The following PPP2R5A variants were observed in gnomAD, a reference collection of about 807,000 sequenced individuals.
PPP2R5A encodes protein phosphatase 2 regulatory subunit B'alpha, also known as serine/threonine-protein phosphatase 2A 56 kDa regulatory subunit alpha isoform.
A neutral mutation model predicts 64.2 loss-of-function variants in PPP2R5A; 25 were observed. The observed-to-expected ratio is 0.39, with a 90% CI of 0.28 to 0.54. The LOEUF (loss-of-function observed/expected upper bound fraction) is 0.54, where lower values mean the gene tolerates loss of function less well. PPP2R5A is among the 20% of genes least tolerant of loss of function. The pLI is 0.67. For synonymous variants in PPP2R5A, 198 were observed against 201.2 expected, an observed-to-expected ratio of 0.98 and a Z score of 0.13; for missense variants, 425 against 576.3, an observed-to-expected ratio of 0.74 and a Z score of 2.69.
In PPP2R5A at chr1:212,345,827, G is replaced by A; in HGVS notation, c.598G>A (p.Asp200Asn). 1 of 1,605,576 alleles carries A rather than the reference G, an allele frequency of 6.2e-7. No individual in the cohort carries two copies. The highest frequency in any genetic ancestry group is 8.5e-7 in the Non-Finnish European group (1 of 1,177,950). Residue 200 changes from aspartate to asparagine, a missense_variant, in exon 5 of 13, where the codon GAT (aspartate) becomes AAT (asparagine). Physicochemically the swap from Asp to Asn is conservative, Grantham distance 23. Transcript: ENST00000261461. ...GCTCCTGGAGCTTTTTGATAGTGAAGATCCCAGAGAACGTGACTTCCTGAA... is the reference window on the plus strand; with the variant it reads ...GCTCCTGGAGCTTTTTGATAGTGAAAATCCCAGAGAACGTGACTTCCTGAA... ...QQLLELFDSE[D>N]PRERDFLKTV...
Position 212,354,725 on chromosome 1 carries a change from TGAGAGAGAGAGAGA to T in PPP2R5A, c.928-1892_928-1879del, listed in dbSNP as rs67572683. ...CCTCATCAAAAAGAGAGAGAAATGT[TGAGAGAGAGAGAGA>T]GAGAGAGAAATGTGATTCCAAGAGA... On this transcript the variant is annotated intron_variant, in intron 8 of 12. Coordinates refer to ENST00000261461, the MANE Select transcript of PPP2R5A (RefSeq NM_006243.4). Among the ~76,000 whole-genome samples, 5 of 147,108 alleles carry T rather than the reference TGAGAGAGAGAGAGA, an allele frequency of 3.4e-5. 1 individual carries two copies. The South Asian group carries it at 6.6e-4, about 19-fold the overall frequency.
chr1:212,304,154 T>C (rs1558140870), intron 1 of PPP2R5A, among the ~76,000 whole-genome samples: 1 of 152,236 alleles, frequency 6.6e-6, no homozygotes, highest in Non-Finnish European at 1.5e-5. Context: ...CAACGTATTT[T>C]TTATTTTCTT....
chr1:212,321,994 C>A (rs1037130736), intron 1 of PPP2R5A, among the ~76,000 whole-genome samples: 2 of 151,840 alleles, frequency 1.3e-5, no homozygotes, highest in African/African-American at 4.8e-5. Context: ...GAGACCAGCC[C>A]GGCCAACACA....
chr1:212,298,847 C>A (rs1658743354), intron 1 of PPP2R5A, among the ~76,000 whole-genome samples: 2 of 41,060 alleles, frequency 4.9e-5, no homozygotes, highest in African/African-American at 4.9e-4. Flanking sequence ...CGCCCCTCAC[C>A]TCCCGGACGG....
intron 1 of PPP2R5A, among the ~76,000 whole-genome samples, chr1:212,295,085 C>T (rs957996295): frequency 1.3e-5 from 2 of 152,050 alleles, no homozygotes; most frequent in African/African-American, 2.4e-5. Flanking sequence ...GGGTCTAGTG[C>T]GTAATCTTGT....
intron 1 of PPP2R5A, among the ~76,000 whole-genome samples, chr1:212,314,079 C>T (rs997047922): frequency 5.3e-5 from 8 of 152,104 alleles, no homozygotes; most frequent in Non-Finnish European, 8.8e-5. Flanking sequence ...AAGAGCTTTG[C>T]TTGTTTTTCG....
At chr1:212,319,969 ATTG>A (rs1659237855) in intron 1 of PPP2R5A, among the ~76,000 whole-genome samples, 6 of 29,534 alleles carry the variant, frequency 2.0e-4, no homozygotes, top group African/African-American at 6.2e-4. Flanking sequence ...TTTTTTTTTT[ATTG>A]ATCATTCTTG....
intron 8 of PPP2R5A, 120 bp from the exon 9 acceptor site, chr1:212,356,502 CACAT>C: frequency 1.2e-6 from 1 of 849,896 alleles, no homozygotes; most frequent in Non-Finnish European, 1.8e-6. Context: ...TCTATTTATA[CACAT>C]ATATTAAGCA....
intron 1 of PPP2R5A, among the ~76,000 whole-genome samples, chr1:212,290,607 T>C (rs912035335): frequency 3.9e-4 from 60 of 152,356 alleles, no homozygotes; most frequent in African/African-American, 1.3e-3. Context: ...GAAAAACTTT[T>C]CTATTTAAAC....
At chr1:212,316,398 T>C (rs1659153606) in intron 1 of PPP2R5A, among the ~76,000 whole-genome samples, 2 of 152,164 alleles carry the variant, frequency 1.3e-5, no homozygotes, top group South Asian at 4.1e-4. Flanking sequence ...AGCCATAACA[T>C]TTCCTTAAGC....
intron 2 of PPP2R5A, among the ~76,000 whole-genome samples, chr1:212,332,618 C>A (rs534323789): frequency 6.4e-4 from 97 of 152,058 alleles, no homozygotes; most frequent in Admixed American, 1.2e-3. Flanking sequence ...TAAATTAAAT[C>A]ATCAAAAGGT....
intron 4 of PPP2R5A, among the ~76,000 whole-genome samples, chr1:212,343,688 T>C (rs959058182): frequency 6.6e-6 from 1 of 152,216 alleles, no homozygotes; most frequent in Non-Finnish European, 1.5e-5. Context: ...AATGGAGTTA[T>C]GTTATTTTGG....
At chr1:212,359,783 G>T (rs1660048135) in intron 12 of PPP2R5A, among the ~76,000 whole-genome samples, 1 of 152,150 alleles carries the variant, frequency 6.6e-6, no homozygotes, top group African/African-American at 2.4e-5. Context: ...TTAAATAGCA[G>T]CATTCAGGCA....
chr1:212,286,238 A>C lies in PPP2R5A; in HGVS notation c.128A>C (p.Gln43Pro). 1 of 1,559,290 alleles carries C rather than the reference A, an allele frequency of 6.4e-7. No individual in the cohort carries two copies. ...CAGAAGCGCTCCCAGGGCTCGTCGC[A>C]GTTTCGCAGCCAGGGCAGCCAGGCA... ...QRQKRSQGSSQFRSQGSQAEL... is the reference protein window; with the variant it reads ...QRQKRSQGSSPFRSQGSQAEL... Residue 43 changes from glutamine (Q) to proline (P), a missense_variant, in exon 1 of 13, where the codon CAG becomes CCG. Transcript: ENST00000261461.
chr1:212,335,209 G>T (rs1236735325), intron 3 of PPP2R5A, among the ~76,000 whole-genome samples: 1 of 152,016 alleles, frequency 6.6e-6, no homozygotes, highest in African/African-American at 2.4e-5. Context: ...GCCAGGCATG[G>T]TGGCTCACAC....
intron 5 of PPP2R5A, 85 bp from the exon 6 acceptor site, chr1:212,347,262 G>A (rs1333220853): frequency 4.1e-6 from 4 of 972,716 alleles, no homozygotes; most frequent in Non-Finnish European, 6.3e-6. Flanking sequence ...CTGTCCTTTG[G>A]ATTGATTTCT....
At chr1:212,292,487 G>A (rs897354349) in intron 1 of PPP2R5A, among the ~76,000 whole-genome samples, 8 of 152,066 alleles carry the variant, frequency 5.3e-5, no homozygotes, top group African/African-American at 1.9e-4. Flanking sequence ...TTGTCTTATA[G>A]TCACTCCTTC....
At chr1:212,351,770 C>A (rs879704215) in intron 8 of PPP2R5A, among the ~76,000 whole-genome samples, 3 of 151,942 alleles carry the variant, frequency 2.0e-5, no homozygotes, top group Non-Finnish European at 4.4e-5. Flanking sequence ...ACTAAATATT[C>A]ATTACAGCTA....
chr1:212,344,980 A>T (rs1043521586), intron 4 of PPP2R5A, among the ~76,000 whole-genome samples: 2 of 152,110 alleles, frequency 1.3e-5, no homozygotes, highest in Non-Finnish European at 2.9e-5. Flanking sequence ...CCTGGGCAAC[A>T]TGGTGAAACC....
Sources: gnomAD v4.1 joint callset for allele counts (sites outside exome capture counted in the v4.1 genomes callset) on GRCh38, gnomAD v4.1.1 for gene constraint, MANE v1.5 for transcripts, NCBI Gene and HGNC (gene_info 2026-07-23, HGNC 2026-07-21) for gene names.